The following TEX9 variants were observed in gnomAD, a reference collection of about 807,000 sequenced individuals.
The protein encoded by TEX9 is testis-expressed protein 9.
Under a neutral mutation model 59.6 loss-of-function variants are expected in TEX9, and 74 were observed. That is an observed-to-expected ratio of 1.24 (90% CI 1.03 to 1.51). The LOEUF is 1.51. Among genes scored for constraint, TEX9 ranks in the 40% most tolerant of loss-of-function variants. The pLI is 0.00. For synonymous variants in TEX9, 186 were observed against 152.2 expected, an observed-to-expected ratio of 1.22 and a Z score of -1.64; for missense variants, 522 against 447.8, an observed-to-expected ratio of 1.17 and a Z score of -1.49.
chr15:56,252,959 A>G (rs1294512060), intron 1 of TEX9, among the ~76,000 whole-genome samples: 1 of 152,140 alleles, frequency 6.6e-6, no homozygotes, highest in African/African-American at 2.4e-5. Context: ...AGCCAAATAA[A>G]TTATGAATTT....
intron 1 of TEX9, among the ~76,000 whole-genome samples, chr15:56,297,652 G>A (rs548008167): frequency 6.6e-6 from 1 of 152,312 alleles, no homozygotes; most frequent in South Asian, 2.1e-4. Flanking sequence ...TTACAGGTGT[G>A]AGCCACCACG....
intron 2 of TEX9, among the ~76,000 whole-genome samples, chr15:56,367,849 G>C (rs776598805): frequency 3.9e-5 from 6 of 152,054 alleles, no homozygotes; most frequent in Non-Finnish European, 7.4e-5. Flanking sequence ...AGAATTTTTA[G>C]ATGTTGATGC....
exon 4 of TEX9, chr15:56,383,988 A>T (rs1186610745): frequency 1.9e-6 from 3 of 1,612,824 alleles, no homozygotes; most frequent in Non-Finnish European, 1.7e-6. Flanking sequence ...GCCTGTTTCA[A>T]CACAAATGAA....
At chr15:56,419,089 T>C (rs2049844528) in intron 10 of TEX9, among the ~76,000 whole-genome samples, 1 of 151,888 alleles carries the variant, frequency 6.6e-6, no homozygotes, top group African/African-American at 2.4e-5. Flanking sequence ...TATATATATA[T>C]AGTTTCCAGA....
At chr15:56,378,204 T>A (rs757986599) in intron 3 of TEX9, among the ~76,000 whole-genome samples, 2 of 152,146 alleles carry the variant, frequency 1.3e-5, no homozygotes, top group Non-Finnish European at 2.9e-5. Flanking sequence ...GTGTCTTTGG[T>A]TTTGGTTTCA....
chr15:56,254,049 T>A (rs1031714049), intron 1 of TEX9, among the ~76,000 whole-genome samples: 2 of 152,160 alleles, frequency 1.3e-5, no homozygotes, highest in Admixed American at 6.5e-5. Context: ...AATTCAAAAA[T>A]CCTGTGTATG....
intron 1 of TEX9, among the ~76,000 whole-genome samples, chr15:56,250,762 A>G (rs74477460): frequency 9.6e-4 from 141 of 146,824 alleles, no homozygotes; most frequent in African/African-American, 3.3e-3. Context: ...TTCCTTAGGG[A>G]AAAAAAAAAA....
At chr15:56,355,264 G>A (rs753716022) in intron 1 of TEX9, among the ~76,000 whole-genome samples, 1 of 152,088 alleles carries the variant, frequency 6.6e-6, no homozygotes, top group East Asian at 1.9e-4. Context: ...TACCTAGATT[G>A]CTGTGTTGTA....
chr15:56,316,441 T>C (rs1364147434), intron 1 of TEX9, among the ~76,000 whole-genome samples: 2 of 121,364 alleles, frequency 1.6e-5, no homozygotes, highest in Non-Finnish European at 3.7e-5. Flanking sequence ...CTGCTGGGGG[T>C]GCCTCCCAGT....
chr15:56,431,848 T>C (rs2050605904), intron 12 of TEX9, among the ~76,000 whole-genome samples: 1 of 151,760 alleles, frequency 6.6e-6, no homozygotes, highest in African/African-American at 2.4e-5. Context: ...GTTTACAGTG[T>C]AAAACAAAAA....
chr15:56,329,673 G>A (rs1220294726), intron 1 of TEX9, among the ~76,000 whole-genome samples: 4 of 152,098 alleles, frequency 2.6e-5, no homozygotes, highest in Non-Finnish European at 5.9e-5. Flanking sequence ...CGAAGTCTTA[G>A]TAACAGAATT....
intron 1 of TEX9, among the ~76,000 whole-genome samples, chr15:56,326,073 T>C (rs1302006798): frequency 6.6e-6 from 1 of 152,188 alleles, no homozygotes; most frequent in East Asian, 1.9e-4. Context: ...CCTCAAGAGA[T>C]GAGGGTCATC....
intron 11 of TEX9, 77 bp from the exon 12 acceptor site, chr15:56,428,290 C>G (rs2050418378): frequency 9.9e-7 from 1 of 1,011,638 alleles, no homozygotes; most frequent in Non-Finnish European, 1.5e-6. Context: ...ATTATCCACA[C>G]ATTTTTACAA....
upstream of TEX9, among the ~76,000 whole-genome samples, chr15:56,362,014 G>C (rs2046799272): frequency 6.6e-6 from 1 of 152,138 alleles, no homozygotes; most frequent in African/African-American, 2.4e-5. Flanking sequence ...CTTTATTACA[G>C]CTACCCTAAA....
intron 10 of TEX9, among the ~76,000 whole-genome samples, chr15:56,420,219 CT>C (rs2049909882): frequency 6.6e-6 from 1 of 151,526 alleles, no homozygotes; most frequent in Non-Finnish European, 1.5e-5. Flanking sequence ...TTTTCCTCTA[CT>C]GATTTTTTAT....
intron 10 of TEX9, among the ~76,000 whole-genome samples, chr15:56,420,210 T>C (rs1052074794): frequency 2.6e-5 from 4 of 151,800 alleles, no homozygotes; most frequent in African/African-American, 9.7e-5. Context: ...TTTTATTGAT[T>C]TTCCTCTACT....
chr15:56,436,767 A>G (rs1464754948), intron 12 of TEX9, among the ~76,000 whole-genome samples: 1 of 152,168 alleles, frequency 6.6e-6, no homozygotes, highest in Non-Finnish European at 1.5e-5. Flanking sequence ...AAAAATGATA[A>G]AGGGGATATC....
At chr15:56,301,711 G>A (rs577833006) in intron 1 of TEX9, among the ~76,000 whole-genome samples, 2 of 151,296 alleles carry the variant, frequency 1.3e-5, no homozygotes, top group African/African-American at 2.4e-5. Flanking sequence ...TATCCTTCAA[G>A]CATTAAAGAG....
intron 1 of TEX9, among the ~76,000 whole-genome samples, chr15:56,278,378 C>T (rs1208127130): frequency 6.6e-6 from 1 of 152,188 alleles, no homozygotes; most frequent in African/African-American, 2.4e-5. Context: ...CTGATTCCCT[C>T]AATCCAAAAA....
Sources: allele counts gnomAD v4.1 joint callset (sites outside exome capture counted in the v4.1 genomes callset), GRCh38; gene constraint gnomAD v4.1.1; transcripts MANE v1.5; gene names NCBI Gene and HGNC (gene_info 2026-07-23, HGNC 2026-07-21).